The following KIF15 variants were observed in gnomAD, a reference collection of about 807,000 sequenced individuals.
KIF15 encodes kinesin-like protein KIF15.
KIF15 carries 140 observed loss-of-function variants against 190.6 expected under a neutral mutation model. That is an observed-to-expected ratio of 0.73 (90% CI 0.64 to 0.84). The LOEUF is 0.84. KIF15 is among the 40% of genes least tolerant of loss of function. The probability of loss-of-function intolerance (pLI) is 0.00; values close to 1 mark genes in which losing one functional copy is unlikely to be tolerated. For missense variants in KIF15, 1,372 were observed against 1,584.4 expected (o/e 0.87, Z 2.28); for synonymous variants, 528 against 551.3 (o/e 0.96, Z 0.59).
At chr3:44,852,415 T>G in intron 34 of KIF15, 76 bp downstream of exon 34, 1 of 1,402,754 alleles carries the variant, frequency 7.1e-7, no homozygotes, top group African/African-American at 1.5e-5. Flanking sequence ...AATTAAAACT[T>G]AATTATTGAA....
intron 6 of KIF15, 60 bp from the exon 7 acceptor site, chr3:44,786,335 A>G: frequency 1.4e-6 from 2 of 1,405,724 alleles, no homozygotes; most frequent in Non-Finnish European, 1.9e-6. Context: ...ATTAATGCTC[A>G]TGAAAACTAG....
intron 6 of KIF15, among the ~76,000 whole-genome samples, chr3:44,865,842 G>A (rs1699316014): frequency 6.6e-6 from 1 of 152,108 alleles, no homozygotes; most frequent in Admixed American, 6.5e-5. Flanking sequence ...AGGTCACACA[G>A]GCTAAGGCTC....
chr3:44,866,453 A>G (rs1270667575), intron 6 of KIF15, among the ~76,000 whole-genome samples: 1 of 152,164 alleles, frequency 6.6e-6, no homozygotes, highest in East Asian at 1.9e-4. Context: ...ACACTTTCCC[A>G]GCACAGAGCC....
intron 25 of KIF15, among the ~76,000 whole-genome samples, chr3:44,830,390 G>C (rs890106514): frequency 6.6e-6 from 1 of 152,208 alleles, no homozygotes; most frequent in East Asian, 1.9e-4. Flanking sequence ...GTTGCTGGCC[G>C]TAACAGTTAA....
intron 5 of KIF15, among the ~76,000 whole-genome samples, chr3:44,782,165 C>T (rs1394628734): frequency 6.6e-6 from 1 of 152,156 alleles, no homozygotes; most frequent in East Asian, 1.9e-4. Flanking sequence ...ATTCTCCAGC[C>T]TCAGCTTCCC....
chr3:44,857,601 G>A (rs1699201678), downstream of KIF15, among the ~76,000 whole-genome samples: 1 of 152,178 alleles, frequency 6.6e-6, no homozygotes. Flanking sequence ...GAGGAGTGGG[G>A]AAAAGATTTA....
chr3:44,859,104 G>T (rs1699215105), intron 6 of KIF15, among the ~76,000 whole-genome samples: 2 of 152,208 alleles, frequency 1.3e-5, no homozygotes. Flanking sequence ...AGGGCTGTGG[G>T]CATTTCTTGG....
chr3:44,828,182 ATTC>A, intron 23 of KIF15, 29 bp from the exon 24 acceptor site: 2 of 1,510,090 alleles, frequency 1.3e-6, no homozygotes, highest in Non-Finnish European at 1.8e-6. Context: ...CGATTTAATT[ATTC>A]TTCTAAAAAT....
chr3:44,809,902 A>C (rs2125654348), intron 16 of KIF15, among the ~76,000 whole-genome samples: 1 of 152,158 alleles, frequency 6.6e-6, no homozygotes, highest in East Asian at 1.9e-4. Context: ...CCCCATCTCT[A>C]CTAAAACTAC....
chr3:44,806,087 C>G (rs1707485919), intron 16 of KIF15, 101 bp downstream of exon 16: 1 of 1,304,654 alleles, frequency 7.7e-7, no homozygotes, highest in South Asian at 1.5e-5. Flanking sequence ...CAGATGACAT[C>G]CCATGCAGGT....
chr3:44,806,122 C>A, intron 16 of KIF15, 136 bp downstream of exon 16: 1 of 910,554 alleles, frequency 1.1e-6, no homozygotes, highest in Non-Finnish European at 1.6e-6. Flanking sequence ...TCACACTGGT[C>A]TTTGGGTTAC....
chr3:44,867,689 T>C (rs1429436669), intron 6 of KIF15, among the ~76,000 whole-genome samples: 2 of 152,242 alleles, frequency 1.3e-5, no homozygotes, highest in East Asian at 3.8e-4. Flanking sequence ...AGACGTATAT[T>C]TGTACAAGAT....
At chr3:44,845,157 T>C (rs1698786329) in intron 30 of KIF15, among the ~76,000 whole-genome samples, 3 of 152,186 alleles carry the variant, frequency 2.0e-5, no homozygotes, top group African/African-American at 2.4e-5. Flanking sequence ...GTAAAGTACA[T>C]AGCCACTACC....
At chr3:44,837,631 T>C (rs1698391094) in intron 26 of KIF15, among the ~76,000 whole-genome samples, 1 of 152,062 alleles carries the variant, frequency 6.6e-6, no homozygotes, top group Admixed American at 6.6e-5. Flanking sequence ...TATATATACA[T>C]GCACACACAT....
chr3:44,810,547 A>AC (rs1443560040), intron 16 of KIF15, among the ~76,000 whole-genome samples: 1 of 152,062 alleles, frequency 6.6e-6, no homozygotes, highest in African/African-American at 2.4e-5. Flanking sequence ...GCCATGAACC[A>AC]CCATGCCTGG....
At chr3:44,761,990 G>C in intron 1 of KIF15, 106 bp downstream of exon 1, 2 of 1,429,060 alleles carry the variant, frequency 1.4e-6, no homozygotes, top group Non-Finnish European at 2.0e-6. Flanking sequence ...GGCATGAACT[G>C]CAGGAGCTGA....
intron 1 of KIF15, among the ~76,000 whole-genome samples, chr3:44,763,967 C>T (rs552452903): frequency 8.5e-5 from 13 of 152,312 alleles, no homozygotes; most frequent in African/African-American, 2.4e-4. Context: ...GGATTACAGG[C>T]GTGAGCCACT....
In KIF15 at chr3:44,838,360, T is replaced by C; in HGVS notation, c.3257T>C (p.Leu1086Pro). The C allele has an allele frequency of 6.2e-7, 1 of 1,614,106 alleles. No individual in the cohort carries two copies. The highest frequency in any genetic ancestry group is 8.5e-7 in the Non-Finnish European group (1 of 1,179,978). The change falls in exon 27 of 35, where the codon CTG becomes CCG. Residue 1086 changes from leucine (L) to proline (P), a missense_variant. Physicochemically the swap from Leu to Pro is moderately conservative, Grantham distance 98. Coordinates refer to ENST00000326047, the MANE Select transcript of KIF15 (RefSeq NM_020242.3). The part of the protein sequence containing the change: ...TEASKKHSGL[L>P]QSAQEELTKK... ...GCCTCAAAAAAACACTCGGGGCTGC[T>C]GCAGTCTGCCCAGGAAGAACTGACC...
At chr3:44,790,663 T>C (rs922084166) in intron 7 of KIF15, among the ~76,000 whole-genome samples, 8 of 151,608 alleles carry the variant, frequency 5.3e-5, no homozygotes. Context: ...ACCATTTGCC[T>C]GGTATACGTT....
Sources: gnomAD v4.1 joint callset for allele counts (sites outside exome capture counted in the v4.1 genomes callset) on GRCh38, gnomAD v4.1.1 for gene constraint, MANE v1.5 for transcripts, NCBI Gene and HGNC (gene_info 2026-07-23, HGNC 2026-07-21) for gene names.